ZNF507: variants seen among roughly 807,000 people sequenced by gnomAD.
ZNF507 encodes the protein zinc finger protein 507.
A neutral mutation model predicts 80.0 loss-of-function variants in ZNF507; 29 were observed. That is an observed-to-expected ratio of 0.36 (90% confidence interval 0.27 to 0.49). The LOEUF (loss-of-function observed/expected upper bound fraction) is 0.49, where lower values mean the gene tolerates loss of function less well. Among genes scored for constraint, ZNF507 ranks in the 20% least tolerant of loss-of-function variants. ZNF507 has a pLI of 0.98. For missense variants in ZNF507, 1,081 were observed against 1,152.2 expected (o/e 0.94, Z 0.90); for synonymous variants, 462 against 422.5 (o/e 1.09, Z -1.15).
intron 3 of ZNF507, among the ~76,000 whole-genome samples, chr19:32,356,057 A>G (rs1484807392): frequency 1.3e-5 from 2 of 152,172 alleles, no homozygotes; most frequent in African/African-American, 2.4e-5. Flanking sequence ...TGCTTCTCAG[A>G]TTACACTCAT....
Position 32,353,537 on chromosome 19 carries a change from G to A in ZNF507, c.707G>A (p.Arg236Lys). 1.2e-6 allele frequency: 2 copies of A among 1,614,234 alleles called. No individual in the cohort carries two copies. Among genetic ancestry groups the A allele is most frequent in the Non-Finnish European group, 1.7e-6 (2 of 1,180,044 alleles). ...ACTGCATCTGTGGCAGAAATGGGTAGGAGGAAATGGTATGCATACGAACAG... is the reference window on the plus strand; with the variant it reads ...ACTGCATCTGTGGCAGAAATGGGTAAGAGGAAATGGTATGCATACGAACAG... Reference protein sequence around the residue: ...VQTASVAEMGRRKWYAYEQYG... With the variant: ...VQTASVAEMGKRKWYAYEQYG... Residue 236 changes from arginine to lysine, a missense_variant, in exon 3 of 7, where the codon AGG becomes AAG. By Grantham distance (26) the Arg-to-Lys change is conservative. Coordinates refer to ENST00000355898, the MANE Select transcript of ZNF507 (RefSeq NM_001136156.2).
chr19:32,379,137 C>T (rs140550464), intron 5 of ZNF507, among the ~76,000 whole-genome samples: 420 of 152,246 alleles, frequency 2.8e-3, no homozygotes, highest in African/African-American at 8.9e-3. Flanking sequence ...ACACCACGAC[C>T]GTGTGACAGT....
At chr19:32,346,960 A>G (rs1363145931) in intron 1 of ZNF507, among the ~76,000 whole-genome samples, 1 of 152,226 alleles carries the variant, frequency 6.6e-6, no homozygotes, top group East Asian at 1.9e-4. Flanking sequence ...AGTAAAACCA[A>G]TAGTGTTGAG....
chr19:32,361,217 G>A (rs1488911369), intron 5 of ZNF507, among the ~76,000 whole-genome samples: 3 of 152,184 alleles, frequency 2.0e-5, no homozygotes, highest in African/African-American at 7.2e-5. Context: ...GCTAGTATGT[G>A]TAGAATAAGT....
rs551582847 is a variant in ZNF507, at chr19:32,349,320, G to A, written c.-3+1982G>A. ...TGACAGAGAGCAGAATGGAAAGGAG[G>A]ATACAGTGAGCCTAGAGGGCAAATG... On this transcript the variant is annotated intron_variant, in intron 2 of 6. Coordinates refer to ENST00000355898, the MANE Select transcript of ZNF507 (RefSeq NM_001136156.2). 5.9e-5 allele frequency among the ~76,000 whole-genome samples: 9 copies of A among 152,300 alleles called. No individual in the cohort carries two copies. In the East Asian group the frequency reaches 1.7e-3, roughly 29 times the overall value.
intron 5 of ZNF507, 53 bp from the exon 6 acceptor site, chr19:32,382,414 T>G (rs543850659): frequency 6.3e-7 from 1 of 1,589,376 alleles, no homozygotes; most frequent in Non-Finnish European, 8.6e-7. Flanking sequence ...ATGATAATTT[T>G]TCACTGATGT....
chr19:32,360,483 ACT>A lies in ZNF507; in HGVS notation c.2246-18_2246-17del. 1 of 1,417,188 alleles carries A rather than the reference ACT, an allele frequency of 7.1e-7. No individual in the cohort carries two copies. The highest frequency in any genetic ancestry group is 1.8e-4 in the Middle Eastern group (1 of 5,506). 87.8% of individuals were successfully genotyped at this position (1,417,188 alleles called of 1,614,324 possible). Reference sequence around the variant, plus strand: ...AATCTTGTCAAAGCCTGCTACTAAAACTCTGAAATACCTTGTCTAGGGAATAA... The same window carrying A: ...AATCTTGTCAAAGCCTGCTACTAAAACTGAAATACCTTGTCTAGGGAATAA... On this transcript the variant is annotated intron_variant, in intron 4 of 6. Coordinates refer to ENST00000355898, the MANE Select transcript of ZNF507 (RefSeq NM_001136156.2).
chr19:32,354,254 A>C lies in ZNF507; in HGVS notation c.1424A>C (p.Asp475Ala). Residue 475 changes from aspartate (D) to alanine (A), a missense_variant, in exon 3 of 7, where the codon GAT becomes GCT. Asp to Ala is a moderately radical substitution (Grantham distance 126). Around this residue, in one of 6 missense-constraint regions of ZNF507, gnomAD observed 614 missense variants for 583.9 expected, o/e 1.05. Transcript: ENST00000355898. The part of the protein sequence containing the change: ...DELMNKGLAT[D>A]ENAPPGRRRT... ...TTAATGAATAAAGGCCTGGCTACTG[A>C]TGAGAATGCCCCACCAGGCCGGAGA... is the stretch of plus-strand genomic sequence containing the variant. 1 of 1,614,178 alleles carries C rather than the reference A, an allele frequency of 6.2e-7. No homozygotes were observed.
At chr19:32,356,391 A>G (rs1380237176) in intron 3 of ZNF507, among the ~76,000 whole-genome samples, 1 of 152,188 alleles carries the variant, frequency 6.6e-6, no homozygotes, top group African/African-American at 2.4e-5. Flanking sequence ...ACTTCCTTTC[A>G]GAGAATATGA....
chr19:32,357,260 C>T (rs1298711244), intron 4 of ZNF507: 1 of 151,548 alleles, frequency 6.6e-6, no homozygotes, highest in Non-Finnish European at 1.5e-5. Context: ...AGCAGTCAAC[C>T]GAGTTTCTGG....
intron 5 of ZNF507, among the ~76,000 whole-genome samples, chr19:32,377,616 A>G (rs1288863508): frequency 6.6e-6 from 1 of 152,174 alleles, no homozygotes; most frequent in Non-Finnish European, 1.5e-5. Context: ...TGCTGCCCAC[A>G]TCCCAAAGTA....
intron 2 of ZNF507, among the ~76,000 whole-genome samples, chr19:32,348,317 C>A (rs1967121219): frequency 6.7e-6 from 1 of 148,236 alleles, no homozygotes; most frequent in East Asian, 2.0e-4. Context: ...TTTTTTTTTT[C>A]CCATTTTGGA....
intron 4 of ZNF507, chr19:32,357,467 T>A (rs1967268332): frequency 1.3e-5 from 2 of 152,224 alleles, no homozygotes; most frequent in African/African-American, 2.4e-5. Flanking sequence ...CTTTCCCTTT[T>A]AGATTTGCTA....
chr19:32,352,830 T>C lies in ZNF507; in HGVS notation c.-1T>C. On this transcript the variant is annotated splice_region_variant and 5_prime_UTR_variant, in exon 3 of 7. Transcript: ENST00000355898. ...TCTGTTTTACATTATCCTTTTTAGA[T>C]ATGGAAGAAAGTAGCAGTGTTGCCA... is the stretch of plus-strand genomic sequence containing the variant. 1 of 1,563,024 alleles carries C rather than the reference T, an allele frequency of 6.4e-7. No individual in the cohort carries two copies. Among genetic ancestry groups the C allele is most frequent in the Non-Finnish European group, 8.6e-7 (1 of 1,160,394 alleles).
At chr19:32,362,039 C>T (rs531112154) in intron 5 of ZNF507, among the ~76,000 whole-genome samples, 47 of 152,216 alleles carry the variant, frequency 3.1e-4, no homozygotes, top group Admixed American at 5.2e-4. Context: ...ATGCCTCAGC[C>T]TCCCAAGTAG....
At chr19:32,355,421 A>G (rs1360212744) in intron 3 of ZNF507, among the ~76,000 whole-genome samples, 1 of 152,148 alleles carries the variant, frequency 6.6e-6, no homozygotes, top group East Asian at 1.9e-4. Context: ...ATCATTGCAG[A>G]AGGAAAAATG....
rs1568303013 is a variant in ZNF507 at position 32,353,880 on chromosome 19, GT to G, written c.1051del (p.Ser351GlnfsTer12). 6.2e-7 allele frequency: 1 copy of G among 1,614,190 alleles called. No homozygotes were observed. The highest frequency in any genetic ancestry group is 8.5e-7 in the Non-Finnish European group (1 of 1,180,034). On this transcript the variant is annotated frameshift_variant, in exon 3 of 7. Transcript: ENST00000355898. LOFTEE classifies it high-confidence loss of function. ...SAERGVHLSQ[S>X]VTLDPNEEEM... ...CAGAAAGAGGAGTACACCTAAGTCA[GT>G]CAGTTACCCTGGACCCCAATGAGGA...
chr19:32,356,964 A>G, intron 4 of ZNF507: 1 of 420,434 alleles, frequency 2.4e-6, no homozygotes, highest in African/African-American at 2.0e-5. Flanking sequence ...ATTCATCTTC[A>G]GTTGAAACTT....
In ZNF507 at chr19:32,382,999, C is replaced by T; in HGVS notation, c.2778C>T (p.Leu926=). ...TTGAATCAACCAGCAAAGAAAACCTCTTGGATCATATGAAAGAGCACGAGG... is the reference window on the plus strand; with the variant it reads ...TTGAATCAACCAGCAAAGAAAACCTTTTGGATCATATGAAAGAGCACGAGG... The part of the protein sequence containing the change: ...CGFESTSKEN[L]LDHMKEHEGE... The change falls in exon 7 of 7, where the codon CTC becomes CTT. Residue 926 remains leucine, a synonymous_variant. Coordinates refer to ENST00000355898, the MANE Select transcript of ZNF507 (RefSeq NM_001136156.2). 1 of 1,614,104 alleles carries T rather than the reference C, an allele frequency of 6.2e-7. No homozygotes were observed. Among genetic ancestry groups the T allele is most frequent in the South Asian group, 1.1e-5 (1 of 91,076 alleles).
Sources: gnomAD v4.1 joint callset for allele counts (sites outside exome capture counted in the v4.1 genomes callset) on GRCh38, gnomAD v4.1.1 for gene constraint, gnomAD v4.1.1 regional missense constraint, MANE v1.5 for transcripts, NCBI Gene and HGNC (gene_info 2026-07-23, HGNC 2026-07-21) for gene names.